The following MIA2 variants were observed in gnomAD, a reference collection of about 807,000 sequenced individuals.
MIA2 encodes MIA SH3 domain ER export factor 2.
MIA2 carries 127 observed loss-of-function variants against 167.8 expected under a neutral mutation model. The observed-to-expected ratio is 0.76, with a 90% confidence interval of 0.66 to 0.88. The LOEUF (loss-of-function observed/expected upper bound fraction) is 0.88. MIA2 is among the 40% of genes least tolerant of loss of function. The pLI is 0.00. For synonymous variants in MIA2, 552 were observed against 541.9 expected (o/e 1.02, Z -0.26); for missense variants, 1,690 against 1,624.7 (o/e 1.04, Z -0.69).
At chr14:39,242,324 A>ATTT (rs56734587) in intron 3 of MIA2, among the ~76,000 whole-genome samples, 10,606 of 141,208 alleles carry the variant, frequency 0.075, 805 homozygotes, top group East Asian at 0.41. Flanking sequence ...TACTTATTGC[A>ATTT]TTTTTTTTTT....
intron 9 of MIA2, among the ~76,000 whole-genome samples, chr14:39,282,047 T>C (rs1338961472): frequency 1.3e-5 from 2 of 152,236 alleles, no homozygotes; most frequent in East Asian, 3.8e-4. Flanking sequence ...TTTCTGGTGC[T>C]CATTTTTTCT....
chr14:39,385,549 A>C lies in MIA2; in HGVS notation c.2249-1336A>C, dbSNP rs775095751. The C allele has an allele frequency of 9.7e-6, 8 of 827,774 alleles. No homozygotes were observed. The African/African-American group carries it at 1.3e-4, about 14-fold the overall frequency. 51.3% of individuals were successfully genotyped at this position (827,774 alleles called of 1,614,324 possible). On this transcript the variant is annotated intron_variant, in intron 23 of 23. Coordinates refer to the MIA2 transcript ENST00000341502. The stretch of plus-strand genomic sequence containing the variant: ...ATTTTCATTGTGATAAACCAAATCA[A>C]ATTTCCCAGGTTCTCTCAAGGCGGG...
rs572357175 is a variant in MIA2 at position 39,359,084 on chromosome 14, G to A, written c.2248+10107G>A. On this transcript the variant is annotated intron_variant, in intron 23 of 23. Transcript: ENST00000341502. ...ACCACTACTCTCTTCAAAGCTGTCA[G>A]ACAGGGACATTTAAGTCTGCAGAGG... Among the ~76,000 whole-genome samples, 10 of 152,302 alleles carry A rather than the reference G, an allele frequency of 6.6e-5. No homozygotes were observed. The South Asian group carries it at 2.1e-3, about 32-fold the overall frequency.
chr14:39,280,072 AT>A (rs1594952088), intron 9 of MIA2, among the ~76,000 whole-genome samples: 2 of 151,316 alleles, frequency 1.3e-5, no homozygotes, highest in African/African-American at 2.4e-5. Flanking sequence ...GTGAAGATTC[AT>A]TTTTTTTCCT....
At chr14:39,298,111 A>C (rs1038521247) in intron 13 of MIA2, among the ~76,000 whole-genome samples, 3 of 151,748 alleles carry the variant, frequency 2.0e-5, no homozygotes, top group Non-Finnish European at 1.5e-5. Context: ...GTGGTGGTAA[A>C]CCCTGTGTTA....
At chr14:39,288,096 A>T (rs578088208) in intron 9 of MIA2, among the ~76,000 whole-genome samples, 1 of 152,076 alleles carries the variant, frequency 6.6e-6, no homozygotes, top group Non-Finnish European at 1.5e-5. Flanking sequence ...AAGTGTTGGG[A>T]TTACAGGCGT....
chr14:39,386,548 A>C (rs1028243630), intron 23 of MIA2: 2 of 1,277,962 alleles, frequency 1.6e-6, no homozygotes, highest in Admixed American at 4.4e-5. Context: ...TTCTTTGGTG[A>C]TTTTCTTTTG....
At position 39,263,137 on chromosome 14, in the gene MIA2, A is replaced by G. The variant is rs2055209290; in HGVS notation, c.1887+9966A>G. Among the ~76,000 whole-genome samples the G allele has an allele frequency of 3.3e-5, 5 of 152,226 alleles. No homozygotes were observed. In the South Asian group the frequency reaches 1.0e-3, roughly 32 times the overall value. On this transcript the variant is annotated intron_variant, in intron 6 of 28. Coordinates refer to ENST00000640607, the MANE Select transcript of MIA2 (RefSeq NM_001329214.4). Reference sequence around the variant, plus strand: ...TTCCAGTTTTTGCCCATTCAGTATGATATTGGCTGTGGGTTTGTCATAAAT... The same window carrying G: ...TTCCAGTTTTTGCCCATTCAGTATGGTATTGGCTGTGGGTTTGTCATAAAT...
At chr14:39,314,386 TAA>T (rs11413108) in intron 19 of MIA2, among the ~76,000 whole-genome samples, 1 of 143,958 alleles carries the variant, frequency 6.9e-6, no homozygotes, top group Non-Finnish European at 1.5e-5. Context: ...ACACTCTGTT[TAA>T]AAAAAAAAAA....
chr14:39,302,062 C>T, intron 14 of MIA2, 67 bp from the exon 15 acceptor site: 1 of 1,520,906 alleles, frequency 6.6e-7, no homozygotes, highest in South Asian at 1.3e-5. Context: ...ACTGTACATT[C>T]ACAAGTTGTA....
intron 9 of MIA2, among the ~76,000 whole-genome samples, chr14:39,280,353 G>A (rs1249230459): frequency 6.6e-6 from 1 of 150,644 alleles, no homozygotes; most frequent in Non-Finnish European, 1.5e-5. Flanking sequence ...TTTTTTTTGT[G>A]GGCATGTATT....
intron 18 of MIA2, among the ~76,000 whole-genome samples, chr14:39,311,498 G>A (rs1344716186): frequency 2.7e-5 from 3 of 110,416 alleles, no homozygotes; most frequent in Non-Finnish European, 5.1e-5. Context: ...TTTTTGGTGA[G>A]ATGAAGTCTT....
At chr14:39,290,949 A>T in intron 9 of MIA2, 70 bp from the exon 10 acceptor site, 1 of 1,310,194 alleles carries the variant, frequency 7.6e-7, no homozygotes. Context: ...TCTGCTTCTT[A>T]GGCATCTATC....
chr14:39,300,955 TAC>T (rs72454651), intron 14 of MIA2, among the ~76,000 whole-genome samples: 120,879 of 138,104 alleles, frequency 0.88, 52,883 homozygotes, highest in East Asian at 0.95. Flanking sequence ...TATATACACA[TAC>T]ATATACACAT....
chr14:39,259,833 C>T (rs904928144), intron 6 of MIA2, among the ~76,000 whole-genome samples: 1 of 150,430 alleles, frequency 6.6e-6, no homozygotes, highest in East Asian at 2.0e-4. Context: ...CATTAGGTAT[C>T]TCTCCTAATG....
intron 25 of MIA2, among the ~76,000 whole-genome samples, chr14:39,334,156 G>T (rs1392295044): frequency 6.6e-6 from 1 of 152,148 alleles, no homozygotes; most frequent in Non-Finnish European, 1.5e-5. Flanking sequence ...TTTGCTCTTG[G>T]TATATTGGTA....
In MIA2 at chr14:39,385,578, G is replaced by A. The variant is rs141014297; in HGVS notation, c.2249-1307G>A. The stretch of plus-strand genomic sequence containing the variant: ...TCCCAGGTTCTCTCAAGGCGGGTAA[G>A]GATGAAACAATTTCTATATCTACTT... On this transcript the variant is annotated intron_variant, in intron 23 of 23. Coordinates refer to the MIA2 transcript ENST00000341502. The A allele has an allele frequency of 1.6e-3, 1,340 of 812,788 alleles. 10 individuals carry two copies. In the African/African-American group the frequency reaches 0.019, roughly 12 times the overall value. The allele number at this position is 812,788 out of a possible 1,614,324, so 50.3% of individuals were successfully genotyped here.
intron 27 of MIA2, 44 bp downstream of exon 27, chr14:39,347,815 CTTCT>C (rs770731876): frequency 3.8e-6 from 4 of 1,048,920 alleles, no homozygotes; most frequent in African/African-American, 4.8e-5. Context: ...ATTCAGAAGC[CTTCT>C]TTTTTTTTTT....
At chr14:39,297,063 C>T (rs1461438876) in intron 13 of MIA2, among the ~76,000 whole-genome samples, 1 of 151,802 alleles carries the variant, frequency 6.6e-6, no homozygotes, top group African/African-American at 2.4e-5. Context: ...AAGCGCGAGC[C>T]ACCACGCCCG....
Sources: gnomAD v4.1 joint callset for allele counts (sites outside exome capture counted in the v4.1 genomes callset) on GRCh38, gnomAD v4.1.1 for gene constraint, MANE v1.5 for transcripts, NCBI Gene and HGNC (gene_info 2026-07-23, HGNC 2026-07-21) for gene names.